The following DLG2 variants were observed in gnomAD, a reference collection of about 807,000 sequenced individuals.
DLG2 encodes disks large homolog 2.
Under a neutral mutation model 132.5 loss-of-function variants are expected in DLG2, and 45 were observed. That is an observed-to-expected ratio of 0.34 (90% confidence interval 0.27 to 0.44). The LOEUF (loss-of-function observed/expected upper bound fraction) is 0.44, where lower values mean the gene tolerates loss of function less well. Ranked by LOEUF, DLG2 falls within the 20% of genes least tolerant of loss-of-function variation. DLG2 has a pLI of 1.00. For missense variants in DLG2, 1,045 were observed against 1,196.9 expected (o/e 0.87, Z 1.87); for synonymous variants, 424 against 419.6 (o/e 1.01, Z -0.13).
intron 15 of DLG2, among the ~76,000 whole-genome samples, chr11:83,913,265 T>C (rs1716860518): frequency 6.6e-6 from 1 of 152,132 alleles, no homozygotes; most frequent in South Asian, 2.1e-4. Context: ...CTAAGTCTAA[T>C]TTATCTTTGT....
chr11:84,634,213 A>G (rs1428161506), intron 6 of DLG2, among the ~76,000 whole-genome samples: 1 of 151,362 alleles, frequency 6.6e-6, no homozygotes, highest in Non-Finnish European at 1.5e-5. Context: ...CCTGATTCTC[A>G]GTCTTTTCCT....
intron 19 of DLG2, among the ~76,000 whole-genome samples, chr11:83,580,733 C>T (rs2096955869): frequency 6.6e-6 from 1 of 152,024 alleles, no homozygotes; most frequent in Non-Finnish European, 1.5e-5. Flanking sequence ...TTACATAAAC[C>T]TGCACCCTGG....
At chr11:83,760,703 AAAC>A (rs767577374) in intron 18 of DLG2, among the ~76,000 whole-genome samples, 1 of 152,064 alleles carries the variant, frequency 6.6e-6, no homozygotes, top group African/African-American at 2.4e-5. Context: ...ACAACAACAA[AAAC>A]AACAACAACA....
chr11:83,682,300 G>C (rs1047531121), intron 18 of DLG2: 1 of 985,246 alleles, frequency 1.0e-6, no homozygotes, highest in Non-Finnish European at 1.2e-6. Flanking sequence ...GAACTCACTA[G>C]CGGAACCTGA....
chr11:85,031,739 G>A (rs1315093756), intron 6 of DLG2, among the ~76,000 whole-genome samples: 1 of 151,988 alleles, frequency 6.6e-6, no homozygotes, highest in Non-Finnish European at 1.5e-5. Flanking sequence ...TGGAGTCTCT[G>A]TGTTAACTTC....
intron 11 of DLG2, among the ~76,000 whole-genome samples, chr11:84,028,815 G>T (rs2095611974): frequency 6.6e-6 from 1 of 151,896 alleles, no homozygotes; most frequent in Non-Finnish European, 1.5e-5. Flanking sequence ...CTTCTTTTAT[G>T]TCTCTTCTAT....
chr11:85,483,117 A>G (rs1331991673), intron 3 of DLG2, among the ~76,000 whole-genome samples: 1 of 152,210 alleles, frequency 6.6e-6, no homozygotes, highest in Admixed American at 6.5e-5. Context: ...ATTCAACCCA[A>G]ACAAGACTAC....
intron 6 of DLG2, among the ~76,000 whole-genome samples, chr11:84,584,291 G>A (rs926578073): frequency 6.6e-6 from 1 of 151,976 alleles, no homozygotes; most frequent in Non-Finnish European, 1.5e-5. Context: ...TACTATATAA[G>A]TATTCACTAT....
At chr11:85,267,785 T>G (rs1159208208) in intron 4 of DLG2, among the ~76,000 whole-genome samples, 1 of 152,250 alleles carries the variant, frequency 6.6e-6, no homozygotes, top group African/African-American at 2.4e-5. Context: ...TAAAATAATT[T>G]AAGCTACTTT....
At chr11:84,195,973 G>T (rs1218105192) in intron 8 of DLG2, among the ~76,000 whole-genome samples, 1 of 152,160 alleles carries the variant, frequency 6.6e-6, no homozygotes, top group South Asian at 2.1e-4. Context: ...ATGTATACAT[G>T]TTGGATGAGG....
intron 25 of DLG2, among the ~76,000 whole-genome samples, chr11:83,468,217 G>C (rs1051007874): frequency 3.3e-5 from 5 of 152,132 alleles, no homozygotes; most frequent in African/African-American, 1.2e-4. Flanking sequence ...ATACAGTCCA[G>C]TGAATACTTG....
chr11:83,969,193 T>A lies in DLG2; in HGVS notation c.1057-3725A>T, dbSNP rs78825049. ...ACACTGCCTCCAATTGTCAAAGCCA[T>A]CAATTGGATCACAAGCCTCCTTACG... is the stretch of plus-strand genomic sequence containing the variant. On this transcript the variant is annotated intron_variant, in intron 12 of 27. Transcript: ENST00000376104. 2.4e-4 allele frequency among the ~76,000 whole-genome samples: 36 copies of A among 152,276 alleles called. 2 individuals are homozygous for A. In the East Asian group the frequency reaches 6.8e-3, roughly 29 times the overall value.
Position 83,570,040 on chromosome 11 carries a change from G to A in DLG2, c.1941-28182C>T, listed in dbSNP as rs2096772485. The stretch of plus-strand genomic sequence containing the variant: ...TCTGTAAAAAAGAAGTTAAACCTAT[G>A]GCTGGTCACTTCATGCACTTAGCAG... On this transcript the variant is annotated intron_variant, in intron 19 of 27. Transcript: ENST00000376104. 2.0e-5 allele frequency among the ~76,000 whole-genome samples: 3 copies of A among 152,278 alleles called. 1 individual carries two copies. Among genetic ancestry groups the A allele is most frequent in the Admixed American group, 2.0e-4 (3 of 15,290 alleles).
chr11:84,475,582 C>A (rs1319031118), intron 7 of DLG2, among the ~76,000 whole-genome samples: 3 of 152,010 alleles, frequency 2.0e-5, no homozygotes, highest in Non-Finnish European at 4.4e-5. Context: ...TGTTTTGCAA[C>A]CTAGTTGTTA....
chr11:85,010,445 T>A (rs953534088), intron 6 of DLG2, among the ~76,000 whole-genome samples: 1 of 152,094 alleles, frequency 6.6e-6, no homozygotes, highest in Admixed American at 6.5e-5. Context: ...TCAGACCCAA[T>A]TCTATTAAGC....
intron 18 of DLG2, among the ~76,000 whole-genome samples, chr11:83,688,510 G>T (rs1268119271): frequency 1.3e-5 from 2 of 152,136 alleles, no homozygotes; most frequent in Non-Finnish European, 2.9e-5. Context: ...GACTTTGCAA[G>T]ATGGACCAGC....
intron 18 of DLG2, among the ~76,000 whole-genome samples, chr11:83,740,256 T>C (rs2092396795): frequency 6.6e-6 from 1 of 152,162 alleles, no homozygotes; most frequent in Non-Finnish European, 1.5e-5. Flanking sequence ...ACAGCCTAAA[T>C]GTCCATTAAC....
chr11:85,281,844 A>G (rs568546877), intron 4 of DLG2, among the ~76,000 whole-genome samples: 4 of 152,110 alleles, frequency 2.6e-5, no homozygotes, highest in African/African-American at 9.6e-5. Flanking sequence ...TGATTCAGCA[A>G]TTCCACTGCT....
At chr11:84,826,096 T>A (rs556601812) in intron 6 of DLG2, among the ~76,000 whole-genome samples, 2 of 151,884 alleles carry the variant, frequency 1.3e-5, no homozygotes, top group Admixed American at 1.3e-4. Context: ...TATATATTTA[T>A]GGGTTACATG....
Sources: allele counts gnomAD v4.1 joint callset (sites outside exome capture counted in the v4.1 genomes callset), GRCh38; gene constraint gnomAD v4.1.1; transcripts MANE v1.5; gene names NCBI Gene and HGNC (gene_info 2026-07-23, HGNC 2026-07-21).